Variants in LGR5 observed in about 807,000 individuals in gnomAD.
The protein encoded by LGR5 is leucine-rich repeat-containing G protein-coupled receptor 5.
In LGR5, 54 loss-of-function variants were observed where a neutral mutation model predicts 76.7. The ratio of observed to expected loss-of-function variants is 0.70; its 90% CI spans 0.57 to 0.88. LGR5 has a LOEUF of 0.88. Ranked by LOEUF, LGR5 falls within the 40% of genes least tolerant of loss-of-function variation. The pLI is 0.00. For synonymous variants in LGR5, 406 were observed against 421.9 expected, an observed-to-expected ratio of 0.96 and a Z score of 0.46; for missense variants, 1,078 against 1,073.3, an observed-to-expected ratio of 1.00 and a Z score of -0.06.
intron 1 of LGR5, among the ~76,000 whole-genome samples, chr12:71,504,141 G>GT (rs140580996): frequency 0.019 from 2,801 of 150,960 alleles, 100 homozygotes; most frequent in African/African-American, 0.065. Context: ...TTTTGTTGTT[G>GT]TTGTTGTTTT....
intron 1 of LGR5, among the ~76,000 whole-genome samples, chr12:71,454,762 C>T (rs541532093): frequency 1.1e-4 from 16 of 147,430 alleles, no homozygotes; most frequent in Admixed American, 5.4e-4. Flanking sequence ...CACACACACA[C>T]GTGCATAGAC....
At chr12:71,488,922 G>C (rs1254975751) in intron 1 of LGR5, among the ~76,000 whole-genome samples, 1 of 152,168 alleles carries the variant, frequency 6.6e-6, no homozygotes, top group Non-Finnish European at 1.5e-5. Flanking sequence ...GTCTAGTAAA[G>C]TGAGTTCCCC....
At chr12:71,486,755 T>G (rs1336104426) in intron 1 of LGR5, among the ~76,000 whole-genome samples, 1 of 152,106 alleles carries the variant, frequency 6.6e-6, no homozygotes, top group Non-Finnish European at 1.5e-5. Flanking sequence ...ATTTAAAGTA[T>G]CATTAAAACT....
rs376935906 is a variant in LGR5, at chr12:71,518,425, T to A, written c.285-5981T>A. On this transcript the variant is annotated intron_variant, in intron 2 of 17. Coordinates refer to ENST00000266674, the MANE Select transcript of LGR5 (RefSeq NM_003667.4). Reference sequence around the variant, plus strand: ...TGGGAGTGAAAATTAGCGCAACCATTGTGAAGACAGTGTGGCTATTCCTCA... The same window carrying A: ...TGGGAGTGAAAATTAGCGCAACCATAGTGAAGACAGTGTGGCTATTCCTCA... Among the ~76,000 whole-genome samples the A allele has an allele frequency of 9.8e-5, 15 of 152,298 alleles. No individual in the cohort carries two copies. In the East Asian group the frequency reaches 2.3e-3, roughly 24 times the overall value.
chr12:71,581,617 G>T (rs1042795989), intron 16 of LGR5, among the ~76,000 whole-genome samples: 4 of 152,178 alleles, frequency 2.6e-5, no homozygotes, highest in East Asian at 3.8e-4. Context: ...CATGTGTCTT[G>T]TTCTTGTTCT....
chr12:71,519,522 G>A (rs777866541), intron 2 of LGR5, among the ~76,000 whole-genome samples: 6 of 152,100 alleles, frequency 3.9e-5, no homozygotes, highest in Admixed American at 6.5e-5. Context: ...ACACAAAGCC[G>A]GGCACGGTGG....
At chr12:71,550,713 C>T (rs1256114374) in intron 4 of LGR5, among the ~76,000 whole-genome samples, 1 of 152,126 alleles carries the variant, frequency 6.6e-6, no homozygotes, top group Non-Finnish European at 1.5e-5. Context: ...ATCTGCCCCC[C>T]TCAGCTTTTC....
chr12:71,456,456 C>A (rs920008826), intron 1 of LGR5, among the ~76,000 whole-genome samples: 7 of 152,056 alleles, frequency 4.6e-5, no homozygotes, highest in Non-Finnish European at 7.4e-5. Context: ...ACAGAAATAC[C>A]ATAAAATGTT....
chr12:71,547,028 T>C (rs1877211555), intron 4 of LGR5, among the ~76,000 whole-genome samples: 1 of 152,126 alleles, frequency 6.6e-6, no homozygotes, highest in Non-Finnish European at 1.5e-5. Context: ...TCTTGAGTAA[T>C]TGCGGAGTCT....
intron 1 of LGR5, among the ~76,000 whole-genome samples, chr12:71,446,749 T>G (rs1451177737): frequency 6.6e-6 from 1 of 152,210 alleles, no homozygotes; most frequent in Non-Finnish European, 1.5e-5. Flanking sequence ...CCAGAAATAT[T>G]TTTTCAGGGA....
chr12:71,556,716 C>CT, intron 6 of LGR5, 26 bp downstream of exon 6: 1 of 1,537,054 alleles, frequency 6.5e-7, no homozygotes, highest in Non-Finnish European at 9.0e-7. Context: ...ATTTGTTTCC[C>CT]TTTTTTCAGT....
At chr12:71,517,271 G>A (rs191670086) in intron 2 of LGR5, among the ~76,000 whole-genome samples, 57 of 152,296 alleles carry the variant, frequency 3.7e-4, no homozygotes, top group African/African-American at 1.1e-3. Flanking sequence ...AGACAGATCT[G>A]CCACTAGCCC....
chr12:71,471,609 G>T (rs1052236868), intron 1 of LGR5, among the ~76,000 whole-genome samples: 2 of 151,756 alleles, frequency 1.3e-5, no homozygotes, highest in African/African-American at 4.8e-5. Flanking sequence ...GAGTTGTATG[G>T]TATATGAATT....
Position 71,584,114 on chromosome 12 carries a change from G to C in LGR5, c.2104G>C (p.Gly702Arg). The C allele has an allele frequency of 1.2e-6, 2 of 1,614,154 alleles. No individual in the cohort carries two copies. The highest frequency in any genetic ancestry group is 1.7e-6 in the Non-Finnish European group (2 of 1,180,040). Residue 702 changes from glycine to arginine, a missense_variant, in exon 18 of 18, where the codon GGT becomes CGT. Gly to Arg is a moderately radical substitution (Grantham distance 125, BLOSUM62 -2). Transcript: ENST00000266674. ...ALTMAAVPLL[G>R]GSKYGASPLC... Reference sequence around the variant, plus strand: ...GACCATGGCCGCAGTTCCCCTGCTGGGTGGCAGCAAGTATGGCGCCTCCCC... The same window carrying C: ...GACCATGGCCGCAGTTCCCCTGCTGCGTGGCAGCAAGTATGGCGCCTCCCC...
At chr12:71,538,651 C>T (rs190099355) in intron 4 of LGR5, among the ~76,000 whole-genome samples, 149 of 152,216 alleles carry the variant, frequency 9.8e-4, no homozygotes, top group African/African-American at 3.4e-3. Context: ...CCTGAAATTA[C>T]AAGCTTGAGT....
chr12:71,556,897 T>C (rs1371384585), intron 6 of LGR5, among the ~76,000 whole-genome samples: 3 of 152,200 alleles, frequency 2.0e-5, no homozygotes, highest in African/African-American at 7.2e-5. Flanking sequence ...ATGAGAGTGA[T>C]AAATTAGTTA....
chr12:71,555,528 A>G (rs780851346), intron 5 of LGR5, among the ~76,000 whole-genome samples: 1 of 152,150 alleles, frequency 6.6e-6, no homozygotes, highest in Non-Finnish European at 1.5e-5. Context: ...TCTGATTACC[A>G]TTGCCTGTGA....
rs142033843 is a variant in LGR5, at chr12:71,496,937, G to T, written c.213-7677G>T. ...TACTTTTGGTGGGGAGCAATGAATG[G>T]AAGGGAACATGAGGGGGTTCTGAGG... On this transcript the variant is annotated intron_variant, in intron 1 of 17. Transcript: ENST00000266674. Among the ~76,000 whole-genome samples the T allele has an allele frequency of 3.6e-3, 547 of 152,264 alleles. 9 individuals are homozygous for T. The highest frequency in any genetic ancestry group is 0.012 in the African/African-American group (519 of 41,560).
chr12:71,576,237 A>G (rs1878849750), intron 13 of LGR5, among the ~76,000 whole-genome samples: 1 of 152,218 alleles, frequency 6.6e-6, no homozygotes, highest in Non-Finnish European at 1.5e-5. Context: ...GTATCCTGGA[A>G]CTTAAAATTA....
Sources: allele counts gnomAD v4.1 joint callset (sites outside exome capture counted in the v4.1 genomes callset), GRCh38; gene constraint gnomAD v4.1.1; transcripts MANE v1.5; gene names NCBI Gene and HGNC (gene_info 2026-07-23, HGNC 2026-07-21).